Variants in MYH14 observed in about 807,000 individuals in gnomAD.
The protein encoded by MYH14 is myosin-14.
In MYH14, 123 loss-of-function variants were observed where a neutral mutation model predicts 255.5. The observed-to-expected ratio is 0.48, with a 90% CI of 0.42 to 0.56. The LOEUF is 0.56. MYH14 is among the 20% of genes least tolerant of loss of function. MYH14 has a pLI of 0.00. For synonymous variants in MYH14, 1,095 were observed against 1,161.2 expected (o/e 0.94, Z 1.16); for missense variants, 2,423 against 2,802.3 (o/e 0.86, Z 3.06).
chr19:50,212,482 G>A (rs2032250666), intron 2 of MYH14, among the ~76,000 whole-genome samples: 2 of 152,226 alleles, frequency 1.3e-5, no homozygotes, highest in African/African-American at 4.8e-5. Context: ...GCCAGGGACT[G>A]CTGATATCAC....
chr19:50,271,590 T>C (rs1007493887), intron 25 of MYH14, 44 bp downstream of exon 25: 14 of 1,583,976 alleles, frequency 8.8e-6, no homozygotes, highest in Admixed American at 5.5e-5. Flanking sequence ...ATGGGGTGCA[T>C]TGGTGGGTTA....
Position 50,301,938 on chromosome 19 carries a change from G to C in MYH14, c.5678+69G>C, listed in dbSNP as rs114924119. 1.4e-3 allele frequency: 1,786 copies of C among 1,288,192 alleles called. 18 individuals carry two copies. The African/African-American group carries it at 0.023, about 16-fold the overall frequency. The allele number at this position is 1,288,192 out of a possible 1,614,324, so 79.8% of individuals were successfully genotyped here. Reference sequence around the variant, plus strand: ...TCTGGTTGGTGAGAGGAAGGAGGCTGTGTTACAAACACGTGGTTTAGAAAC... The same window carrying C: ...TCTGGTTGGTGAGAGGAAGGAGGCTCTGTTACAAACACGTGGTTTAGAAAC... On this transcript the variant is annotated intron_variant, in intron 40 of 42. Transcript: ENST00000642316.
intron 10 of MYH14, among the ~76,000 whole-genome samples, chr19:50,243,464 T>C (rs1426338224): frequency 6.6e-6 from 1 of 151,496 alleles, no homozygotes; most frequent in Non-Finnish European, 1.5e-5. Context: ...GACTTATTGA[T>C]CGGTTGGTGA....
At chr19:50,275,913 C>T (rs750880923) in intron 27 of MYH14, 78 bp from the exon 28 acceptor site, 30 of 1,178,082 alleles carry the variant, frequency 2.5e-5, no homozygotes, top group Non-Finnish European at 3.4e-5. Context: ...AGCCCACATC[C>T]AGCCTCTCAG....
chr19:50,307,314 A>T (rs1338686169), intron 41 of MYH14, among the ~76,000 whole-genome samples, 157 bp downstream of exon 41: 1 of 152,214 alleles, frequency 6.6e-6, no homozygotes, highest in Admixed American at 6.5e-5. Context: ...CACTTGGCAC[A>T]TCAGCAGAGG....
Position 50,235,354 on chromosome 19 carries a change from C to CA in MYH14, c.1114+3300dup, listed in dbSNP as rs34278236. Among the ~76,000 whole-genome samples the CA allele has an allele frequency of 3.8e-3, 468 of 122,936 alleles. 4 individuals are homozygous for CA. The highest frequency in any genetic ancestry group is 0.018 in the South Asian group (65 of 3,672). The allele number at this position is 122,936 out of a possible 152,430, so 80.7% of individuals were successfully genotyped here. ...GCTTGGAGCAGAGCGAGACTCCATC[C>CA]AAAAAAAAAAAAAAAAGTTCCTGGA... On this transcript the variant is annotated intron_variant, in intron 10 of 42. Transcript: ENST00000642316.
Position 50,232,040 on chromosome 19 carries a change from G to A in MYH14, c.1084G>A (p.Val362Ile), listed in dbSNP as rs1052838764. 1 of 1,612,950 alleles carries A rather than the reference G, an allele frequency of 6.2e-7. No individual in the cohort carries two copies. The highest frequency in any genetic ancestry group is 1.3e-5 in the African/African-American group (1 of 74,952). The stretch of plus-strand genomic sequence containing the variant: ...CCAGGAGACGCTGGAGTCGCTGCGG[G>A]TCCTGGGATTCAGCCACGAGGAAAT... ...LFQETLESLRVLGFSHEEIIS... is the reference protein window; with the variant it reads ...LFQETLESLRILGFSHEEIIS... The change falls in exon 10 of 43, where the codon GTC becomes ATC. Residue 362 changes from valine (V) to isoleucine (I), a missense_variant. Coordinates refer to ENST00000642316, the MANE Select transcript of MYH14 (RefSeq NM_001145809.2).
At chr19:50,217,523 C>A in intron 2 of MYH14, 92 bp from the exon 3 acceptor site, 1 of 1,415,810 alleles carries the variant, frequency 7.1e-7, no homozygotes, top group South Asian at 1.2e-5. Context: ...GATAGATGCC[C>A]TTGTGCAGTG....
intron 40 of MYH14, among the ~76,000 whole-genome samples, chr19:50,305,115 G>C (rs768832063): frequency 8.6e-5 from 13 of 152,034 alleles, no homozygotes; most frequent in Non-Finnish European, 1.5e-4. Flanking sequence ...GAAGGCTGTG[G>C]GCTGGGGAGG....
intron 15 of MYH14, among the ~76,000 whole-genome samples, chr19:50,251,069 G>A (rs1467774081): frequency 6.6e-6 from 1 of 152,142 alleles, no homozygotes; most frequent in East Asian, 1.9e-4. Flanking sequence ...CTGGGAGGGA[G>A]GCAAATACAG....
chr19:50,294,762 C>T (rs1462392089), intron 39 of MYH14, among the ~76,000 whole-genome samples: 2 of 151,562 alleles, frequency 1.3e-5, no homozygotes, highest in Non-Finnish European at 2.9e-5. Context: ...TAATTATATG[C>T]TCAACAGTTA....
At chr19:50,267,661 C>T (rs143027390) in intron 23 of MYH14, among the ~76,000 whole-genome samples, 1,835 of 131,988 alleles carry the variant, frequency 0.014, 17 homozygotes, top group Non-Finnish European at 0.023. Context: ...AGAACAAACC[C>T]CTTCTTGAGC....
chr19:50,262,924 G>T (rs12327632), intron 21 of MYH14, among the ~76,000 whole-genome samples: 3,389 of 152,064 alleles, frequency 0.022, 95 homozygotes, highest in African/African-American at 0.067. Flanking sequence ...GCTTGGTCAG[G>T]CATGGTGGCC....
Position 50,286,692 on chromosome 19 carries a change from A to G in MYH14, c.4750A>G (p.Ser1584Gly). ...LLSSKDDVGK[S>G]VHELERACRV... ...GAGCAGCAAGGATGACGTCGGCAAG[A>G]GCGTGAGCAGGGCCCCCGCTCCCCG... The change falls in exon 34 of 43, where the codon AGC becomes GGC. Residue 1584 changes from serine (S) to glycine (G), a missense_variant and splice_region_variant. Ser to Gly is a moderately conservative substitution (Grantham distance 56). Around this residue, in one of 3 missense-constraint regions of MYH14, gnomAD observed 1,513 missense variants for 1,674.8 expected, o/e 0.90. Coordinates refer to ENST00000642316, the MANE Select transcript of MYH14 (RefSeq NM_001145809.2). 2 of 1,567,688 alleles carry G rather than the reference A, an allele frequency of 1.3e-6. No homozygotes were observed. Among genetic ancestry groups the G allele is most frequent in the Non-Finnish European group, 1.7e-6 (2 of 1,157,816 alleles).
chr19:50,218,997 G>A (rs2032650274), intron 3 of MYH14, among the ~76,000 whole-genome samples: 1 of 105,010 alleles, frequency 9.5e-6, no homozygotes, highest in Non-Finnish European at 2.4e-5. Context: ...TATATCCCAT[G>A]GTGTGTATAT....
intron 23 of MYH14, 91 bp from the exon 24 acceptor site, chr19:50,268,070 G>A (rs2035154838): frequency 6.8e-7 from 1 of 1,474,490 alleles, no homozygotes; most frequent in South Asian, 1.3e-5. Flanking sequence ...AGAACTTAAA[G>A]GCCAAAGCAA....
chr19:50,309,082 G>A lies in MYH14; in HGVS notation c.5865G>A (p.Gln1955=). Residue 1955 remains glutamine, a synonymous_variant, in exon 42 of 43, where the codon CAG becomes CAA. Transcript: ENST00000642316. ...CCGAGGAGGAGGCATCCCGGGCTCA[G>A]GCCGGCCGCCGGAGGCTGCAGCGTG... ...EEAEEEASRA[Q]AGRRRLQREL... 1.2e-6 allele frequency: 2 copies of A among 1,613,906 alleles called. No individual in the cohort carries two copies. Among genetic ancestry groups the A allele is most frequent in the East Asian group, 4.5e-5 (2 of 44,872 alleles).
intron 13 of MYH14, 112 bp from the exon 14 acceptor site, chr19:50,249,538 T>C (rs1163971535): frequency 7.7e-6 from 9 of 1,170,070 alleles, no homozygotes; most frequent in Non-Finnish European, 1.1e-5. Context: ...TCTCTCTGGG[T>C]CTCTGTCCCC....
chr19:50,212,117 C>T (rs866486513), intron 2 of MYH14, among the ~76,000 whole-genome samples: 7 of 152,162 alleles, frequency 4.6e-5, no homozygotes, highest in South Asian at 2.1e-4. Context: ...TTACAGCAAA[C>T]GGATGGGGTA....
Sources: gnomAD v4.1 joint callset for allele counts (sites outside exome capture counted in the v4.1 genomes callset) on GRCh38, gnomAD v4.1.1 for gene constraint, gnomAD v4.1.1 regional missense constraint, MANE v1.5 for transcripts, NCBI Gene and HGNC (gene_info 2026-07-23, HGNC 2026-07-21) for gene names.